DPP6: variants seen among roughly 807,000 people sequenced by gnomAD.
DPP6 encodes the protein dipeptidyl peptidase like 6.
A neutral mutation model predicts 122.6 loss-of-function variants in DPP6; 69 were observed. The ratio of observed to expected loss-of-function variants is 0.56; its 90% CI spans 0.46 to 0.69. The LOEUF is 0.69. DPP6 is among the 30% of genes least tolerant of loss of function. The pLI is 0.00. For missense variants in DPP6, 928 were observed against 1,116.9 expected (o/e 0.83, Z 2.41); for synonymous variants, 418 against 433.1 (o/e 0.97, Z 0.43).
In DPP6 at chr7:154,285,406, AG is replaced by A. The variant is rs200611627; in HGVS notation, c.244-160806del. ...CAGCCTCCCAAGTAGCTTGGATAAC[AG>A]GCACCCGCCACCACACTTGGCTAAT... is the stretch of plus-strand genomic sequence containing the variant. On this transcript the variant is annotated intron_variant, in intron 1 of 25. Coordinates refer to ENST00000377770, the MANE Select transcript of DPP6 (RefSeq NM_130797.4). Among the ~76,000 whole-genome samples, 1,130 of 152,262 alleles carry A rather than the reference AG, an allele frequency of 7.4e-3. 22 individuals carry two copies. Among genetic ancestry groups the A allele is most frequent in the African/African-American group, 0.026 (1,070 of 41,548 alleles).
At chr7:154,329,247 G>A (rs1808708901) in intron 1 of DPP6, among the ~76,000 whole-genome samples, 1 of 152,228 alleles carries the variant, frequency 6.6e-6, no homozygotes. Flanking sequence ...TGGTCCCATA[G>A]AGCTTTCAGC....
intron 10 of DPP6, among the ~76,000 whole-genome samples, chr7:154,790,515 G>A (rs569116103): frequency 1.3e-5 from 2 of 151,996 alleles, no homozygotes; most frequent in African/African-American, 4.8e-5. Flanking sequence ...TATTGTTTTG[G>A]GTTTTTAAAA....
intron 1 of DPP6, among the ~76,000 whole-genome samples, chr7:153,963,303 G>A (rs549643789): frequency 6.6e-6 from 1 of 151,502 alleles, no homozygotes; most frequent in Non-Finnish European, 1.5e-5. Context: ...CACGTGCCAG[G>A]CACTATGGGG....
At chr7:154,342,601 G>A (rs1012217120) in intron 1 of DPP6, among the ~76,000 whole-genome samples, 8 of 152,138 alleles carry the variant, frequency 5.3e-5, no homozygotes, top group South Asian at 4.1e-4. Context: ...TCCTGGAGGC[G>A]AACTAGAAGA....
intron 5 of DPP6, among the ~76,000 whole-genome samples, chr7:154,627,912 A>G (rs184060284): frequency 3.9e-5 from 6 of 152,334 alleles, no homozygotes; most frequent in African/African-American, 9.6e-5. Context: ...AGGGACTTAA[A>G]TAACTTTTAT....
intron 1 of DPP6, among the ~76,000 whole-genome samples, chr7:154,342,266 A>G (rs1230491535): frequency 1.3e-5 from 2 of 152,136 alleles, no homozygotes; most frequent in Non-Finnish European, 2.9e-5. Context: ...CACAGCATGG[A>G]AAGGAATGCC....
At chr7:154,471,180 G>A (rs962279792) in intron 2 of DPP6, among the ~76,000 whole-genome samples, 1 of 152,164 alleles carries the variant, frequency 6.6e-6, no homozygotes, top group Non-Finnish European at 1.5e-5. Flanking sequence ...GAATGTTGGA[G>A]GCGGAGGTTG....
At chr7:153,839,309 G>T in the DPP6 span, among the ~76,000 whole-genome samples, 1 of 152,246 alleles carries the variant, frequency 6.6e-6, no homozygotes, top group Non-Finnish European at 1.5e-5. Flanking sequence ...AAATCTGACA[G>T]GATGTGACGC....
intron 1 of DPP6, among the ~76,000 whole-genome samples, chr7:154,059,783 AC>A (rs1801408474): frequency 6.6e-6 from 1 of 151,180 alleles, no homozygotes; most frequent in African/African-American, 2.5e-5. Flanking sequence ...TGGACTTTTA[AC>A]CCAAACTGTG....
intron 1 of DPP6, among the ~76,000 whole-genome samples, chr7:154,440,184 A>G (rs1332960732): frequency 6.6e-6 from 1 of 152,184 alleles, no homozygotes; most frequent in Admixed American, 6.5e-5. Flanking sequence ...GTGGGATGAC[A>G]TCGTCTTCCA....
intron 1 of DPP6, among the ~76,000 whole-genome samples, chr7:154,089,461 C>G (rs952081999): frequency 7.8e-6 from 1 of 128,704 alleles, no homozygotes; most frequent in African/African-American, 2.9e-5. Context: ...CACCACACCC[C>G]TCCGTTCTCC....
chr7:153,883,270 G>T (rs1170737713), upstream of DPP6, among the ~76,000 whole-genome samples: 1 of 152,136 alleles, frequency 6.6e-6, no homozygotes, highest in Non-Finnish European at 1.5e-5. Context: ...GTCTTCAAAT[G>T]GTTCCGAATT....
intron 1 of DPP6, among the ~76,000 whole-genome samples, chr7:153,985,222 T>G (rs995549662): frequency 5.9e-5 from 9 of 152,208 alleles, no homozygotes; most frequent in African/African-American, 2.2e-4. Flanking sequence ...TTGATTGGGC[T>G]AGAGGGAGAG....
intron 1 of DPP6, among the ~76,000 whole-genome samples, chr7:154,008,739 G>T (rs1446998131): frequency 6.9e-6 from 1 of 144,272 alleles, no homozygotes; most frequent in Non-Finnish European, 1.5e-5. Flanking sequence ...TCGGCTCACT[G>T]CAAGCTCCGC....
chr7:154,500,196 TTGATC>T (rs896823673), intron 3 of DPP6, among the ~76,000 whole-genome samples: 5 of 152,096 alleles, frequency 3.3e-5, no homozygotes, highest in South Asian at 4.2e-4. Flanking sequence ...GAAAGCCACT[TTGATC>T]AGTGATCAGT....
the DPP6 span, among the ~76,000 whole-genome samples, chr7:153,798,278 C>T: frequency 1.3e-5 from 2 of 152,188 alleles, no homozygotes; most frequent in South Asian, 4.2e-4. Context: ...AAATTTTAGG[C>T]AGGTTTCGGG....
At position 154,850,754 on chromosome 7, in the gene DPP6, G is replaced by A. The variant is rs141279896; in HGVS notation, c.1667-3026G>A. Among the ~76,000 whole-genome samples the A allele has an allele frequency of 2.7e-3, 410 of 152,094 alleles. 3 individuals carry two copies. The highest frequency in any genetic ancestry group is 8.7e-3 in the African/African-American group (363 of 41,492). On this transcript the variant is annotated intron_variant, in intron 16 of 25. Transcript: ENST00000377770. Reference sequence around the variant, plus strand: ...TGCCATGTAATTGTTCATAGTAGTCGCTTAAGATCCTTTGTACTTCTGTGT... The same window carrying A: ...TGCCATGTAATTGTTCATAGTAGTCACTTAAGATCCTTTGTACTTCTGTGT...
the DPP6 span, among the ~76,000 whole-genome samples, chr7:153,779,186 G>C: frequency 2.0e-5 from 3 of 147,836 alleles, no homozygotes; most frequent in Non-Finnish European, 4.4e-5. Context: ...CCAATAGAAG[G>C]AACTAGGGTA....
intron 1 of DPP6, among the ~76,000 whole-genome samples, chr7:154,019,909 A>G (rs1422818169): frequency 6.6e-6 from 1 of 152,112 alleles, no homozygotes; most frequent in African/African-American, 2.4e-5. Flanking sequence ...GAGCTCATAT[A>G]AGAGTCCATG....
Sources: allele counts gnomAD v4.1 joint callset (sites outside exome capture counted in the v4.1 genomes callset), GRCh38; gene constraint gnomAD v4.1.1; transcripts MANE v1.5; gene names NCBI Gene and HGNC (gene_info 2026-07-23, HGNC 2026-07-21).